ARHGEF18: variants seen among roughly 807,000 people sequenced by gnomAD.
The protein encoded by ARHGEF18 is rho guanine nucleotide exchange factor 18.
A neutral mutation model predicts 155.7 loss-of-function variants in ARHGEF18; 93 were observed. The observed-to-expected ratio is 0.60, with a 90% CI of 0.50 to 0.71. The LOEUF (loss-of-function observed/expected upper bound fraction) is 0.71. Ranked by LOEUF, ARHGEF18 falls within the 30% of genes least tolerant of loss-of-function variation. ARHGEF18 has a pLI of 0.00. For synonymous variants in ARHGEF18, 742 were observed against 753.1 expected (o/e 0.99, Z 0.24); for missense variants, 1,593 against 1,816.1 (o/e 0.88, Z 2.23).
At chr19:7,469,236 G>A in intron 27 of ARHGEF18, 105 bp downstream of exon 27, 4 of 1,374,346 alleles carry the variant, frequency 2.9e-6, no homozygotes, top group South Asian at 1.5e-5. Context: ...CCATCCTCTG[G>A]AGAGGAAAAC....
intron 10 of ARHGEF18, among the ~76,000 whole-genome samples, chr19:7,433,064 G>A (rs1320174561): frequency 6.6e-6 from 1 of 152,144 alleles, no homozygotes; most frequent in Non-Finnish European, 1.5e-5. Context: ...AGGAGGCTGA[G>A]GCTGGAGGAT....
chr19:7,466,097 A>G lies in ARHGEF18; in HGVS notation c.2905-821A>G, dbSNP rs143494608. The stretch of plus-strand genomic sequence containing the variant: ...AGACTTTGTTTCAAAAAAGTTAAAA[A>G]TAGCTGCTGGGTGTGGTGGCTCACG... On this transcript the variant is annotated intron_variant, in intron 23 of 28. Transcript: ENST00000668164. 1.9e-3 allele frequency among the ~76,000 whole-genome samples: 290 copies of G among 151,518 alleles called. 2 individuals carry two copies. Among genetic ancestry groups the G allele is most frequent in the African/African-American group, 6.8e-3 (281 of 41,230 alleles).
At chr19:7,397,528 T>G (rs1280876141) in intron 10 of ARHGEF18, among the ~76,000 whole-genome samples, 25 of 152,034 alleles carry the variant, frequency 1.6e-4, no homozygotes, top group Non-Finnish European at 5.9e-5. Context: ...GGTCAGGAGA[T>G]TGAGACCATC....
intron 1 of ARHGEF18, among the ~76,000 whole-genome samples, chr19:7,357,167 C>A (rs145763838): frequency 1.3e-5 from 2 of 152,158 alleles, no homozygotes; most frequent in Admixed American, 1.3e-4. Context: ...CTGTGTGAGG[C>A]CACTTTGATG....
rs1016649917 is a variant in ARHGEF18, at chr19:7,416,845, C to T, written c.968-23499C>T. ...GTCTCGATCTCCTGACCTCATGATCCGCTCGCCTCAGCCTCCCAAAGTGTT... is the reference window on the plus strand; with the variant it reads ...GTCTCGATCTCCTGACCTCATGATCTGCTCGCCTCAGCCTCCCAAAGTGTT... On this transcript the variant is annotated intron_variant, in intron 10 of 28. Coordinates refer to ENST00000668164, the MANE Select transcript of ARHGEF18 (RefSeq NM_001367823.1). Among the ~76,000 whole-genome samples the T allele has an allele frequency of 4.8e-4, 73 of 151,956 alleles. 1 individual carries two copies. The highest frequency in any genetic ancestry group is 1.9e-4 in the East Asian group (1 of 5,158).
At chr19:7,397,887 T>C (rs78575387) in intron 10 of ARHGEF18, among the ~76,000 whole-genome samples, 1,546 of 152,158 alleles carry the variant, frequency 0.01, 19 homozygotes, top group African/African-American at 0.023. Flanking sequence ...TTTTGTTTTT[T>C]TAACTGACAG....
chr19:7,439,612 A>C (rs8102136), intron 10 of ARHGEF18: 2 of 1,003,618 alleles, frequency 2.0e-6, no homozygotes, highest in Non-Finnish European at 1.2e-6. Flanking sequence ...TATAATCACC[A>C]TATGGAACAG....
In ARHGEF18 at chr19:7,444,462, C is replaced by T; in HGVS notation, c.1611+8C>T. ...GACCTCCTGGTTCAGCAGGTGGGTG[C>T]AGCCGTGTTCATCTCAACAGTCTTC... On this transcript the variant is annotated splice_region_variant and intron_variant, in intron 14 of 28. Coordinates refer to ENST00000668164, the MANE Select transcript of ARHGEF18 (RefSeq NM_001367823.1). This position sits in a 1 kb window ranked among gnomAD's most constrained non-coding sequence, Gnocchi z 4.7. The T allele has an allele frequency of 6.2e-7, 1 of 1,612,062 alleles. No individual in the cohort carries two copies.
Position 7,462,184 on chromosome 19 carries a change from C to T in ARHGEF18, c.2485C>T (p.Gln829Ter). 1 of 1,614,006 alleles carries T rather than the reference C, an allele frequency of 6.2e-7. No homozygotes were observed. The highest frequency in any genetic ancestry group is 8.5e-7 in the Non-Finnish European group (1 of 1,180,028). The stretch of plus-strand genomic sequence containing the variant: ...GAGCATGAAAGACCAGCTGATCGCA[C>T]AGAGCCTCCTAGAGAAACAGCAGAT... The part of the protein sequence containing the change: ...RLSMKDQLIA[Q>*]SLLEKQQIYL... The change falls in exon 21 of 29, where the codon CAG (glutamine) becomes TAG (stop). Residue 829 changes from glutamine (Q) to a stop codon, truncating the protein, a stop_gained. Transcript: ENST00000668164. LOFTEE classifies it high-confidence loss of function. The surrounding 1 kb of genome is among the most constrained non-coding windows in gnomAD (Gnocchi z 4.4).
At chr19:7,430,717 A>G (rs1973907575) in intron 10 of ARHGEF18, among the ~76,000 whole-genome samples, 1 of 152,106 alleles carries the variant, frequency 6.6e-6, no homozygotes, top group Non-Finnish European at 1.5e-5. Flanking sequence ...AGGCCAGAGG[A>G]CTGCTTGAGC....
intron 13 of ARHGEF18, among the ~76,000 whole-genome samples, 169 bp downstream of exon 13, chr19:7,442,221 TTCTC>T (rs1304716388): frequency 6.6e-5 from 10 of 150,948 alleles, no homozygotes; most frequent in East Asian, 1.9e-4. Flanking sequence ...TTTGTCCTCT[TTCTC>T]TCTTTCTTTC....
intron 10 of ARHGEF18, among the ~76,000 whole-genome samples, chr19:7,420,867 ACT>A (rs1290740764): frequency 5.9e-5 from 9 of 151,840 alleles, no homozygotes; most frequent in Non-Finnish European, 1.0e-4. Flanking sequence ...GAGTCTTAAG[ACT>A]CTGTCTGCTG....
rs766524875 is a variant in ARHGEF18, at chr19:7,440,076, C to T, written c.968-268C>T. On this transcript the variant is annotated intron_variant, in intron 10 of 28. Transcript: ENST00000668164. The surrounding 1 kb of genome is among the most constrained non-coding windows in gnomAD (Gnocchi z 5.4). ...CGGCGCAGCCCAGCCTGGCGCCGCGCCGGGTCCCGGAGCCCCGGGCGCGAA... is the reference window on the plus strand; with the variant it reads ...CGGCGCAGCCCAGCCTGGCGCCGCGTCGGGTCCCGGAGCCCCGGGCGCGAA... 4.5e-6 allele frequency: 7 copies of T among 1,550,472 alleles called. No homozygotes were observed. In the African/African-American group the frequency reaches 9.6e-5, roughly 21 times the overall value.
chr19:7,466,381 C>CAAAAAAA (rs3030730), intron 23 of ARHGEF18, among the ~76,000 whole-genome samples: 10 of 98,532 alleles, frequency 1.0e-4, no homozygotes, highest in African/African-American at 2.9e-4. Flanking sequence ...AACTCCATCT[C>CAAAAAAA]AAAAAAAAAA....
intron 16 of ARHGEF18, among the ~76,000 whole-genome samples, chr19:7,452,180 G>A (rs1975523429): frequency 6.6e-6 from 1 of 152,236 alleles, no homozygotes; most frequent in Admixed American, 6.5e-5. Context: ...ATGAATGGAT[G>A]GAGACGGTGC....
chr19:7,417,019 C>T (rs940778959), intron 10 of ARHGEF18, among the ~76,000 whole-genome samples: 1 of 152,110 alleles, frequency 6.6e-6, no homozygotes, highest in Admixed American at 6.6e-5. Context: ...AAGCGATTCT[C>T]CTGCCTCAGC....
chr19:7,414,858 G>T (rs1273821040), intron 10 of ARHGEF18, among the ~76,000 whole-genome samples: 2 of 151,832 alleles, frequency 1.3e-5, no homozygotes, highest in African/African-American at 4.8e-5. Context: ...AGCCGGGTGT[G>T]GGGGCAGGTG....
At chr19:7,365,685 G>A (rs1337619891) in intron 2 of ARHGEF18, among the ~76,000 whole-genome samples, 1 of 152,204 alleles carries the variant, frequency 6.6e-6, no homozygotes, top group Admixed American at 6.5e-5. Flanking sequence ...CTCTTCCTGA[G>A]TCTCGATTCT....
chr19:7,465,287 C>T (rs1046006111), intron 23 of ARHGEF18, among the ~76,000 whole-genome samples: 24 of 152,302 alleles, frequency 1.6e-4, no homozygotes, highest in African/African-American at 5.5e-4. Flanking sequence ...AGTCATGACC[C>T]GGTCCTGGGT....
Sources: allele counts gnomAD v4.1 joint callset (sites outside exome capture counted in the v4.1 genomes callset), GRCh38; gene constraint gnomAD v4.1.1; non-coding constraint Gnocchi (gnomAD v3.1); transcripts MANE v1.5; gene names NCBI Gene and HGNC (gene_info 2026-07-23, HGNC 2026-07-21).